SLC26A8: variants seen among roughly 807,000 people sequenced by gnomAD.
SLC26A8 encodes the protein testis anion transporter 1.
A neutral mutation model predicts 105.0 loss-of-function variants in SLC26A8; 70 were observed. That is an observed-to-expected ratio of 0.67 (90% confidence interval 0.55 to 0.81). The LOEUF (loss-of-function observed/expected upper bound fraction) is 0.81, where lower values mean the gene tolerates loss of function less well. Among genes scored for constraint, SLC26A8 ranks in the 40% least tolerant of loss-of-function variants. SLC26A8 has a pLI of 0.00. For missense variants in SLC26A8, 998 were observed against 1,181.8 expected (o/e 0.84, Z 2.28); for synonymous variants, 415 against 438.3 (o/e 0.95, Z 0.66).
rs573438533 is a variant in SLC26A8, at chr6:36,014,790, C to T, written c.189-2418G>A. Among the ~76,000 whole-genome samples the T allele has an allele frequency of 2.7e-4, 41 of 151,902 alleles. No homozygotes were observed. In the East Asian group the frequency reaches 6.4e-3, roughly 24 times the overall value. On this transcript the variant is annotated intron_variant, in intron 2 of 19. Coordinates refer to ENST00000490799, the MANE Select transcript of SLC26A8 (RefSeq NM_052961.4). ...CTGAGGCAGAAGAATCGCTTGAACC[C>T]GGGAGGCTGAGGTTGCAGTGAGCTG...
rs1220970427 is a variant in SLC26A8 at position 36,012,271 on chromosome 6, A to G, written c.290T>C (p.Leu97Pro). The G allele has an allele frequency of 1.9e-6, 3 of 1,612,080 alleles. No individual in the cohort carries two copies. Among genetic ancestry groups the G allele is most frequent in the East Asian group, 2.2e-5 (1 of 44,866 alleles). Residue 97 changes from leucine to proline, a missense_variant, in exon 3 of 20, where the codon CTT (leucine) becomes CCT (proline). Physicochemically the swap from Leu to Pro is moderately conservative, Grantham distance 98 (BLOSUM62 -3). Transcript: ENST00000490799. ...CACAAGGCCAACACTTATACCAGCA[A>G]GTAAGTCTCCCAGAAGCCAATCCTT... ...RLKDWLLGDL[L>P]AGISVGLVQV...
At position 35,944,137 on chromosome 6, in the gene SLC26A8, G is replaced by A. The variant is rs1315589815; in HGVS notation, c.2676C>T (p.Thr892=). 1.4e-5 allele frequency: 23 copies of A among 1,613,888 alleles called. No homozygotes were observed. Among genetic ancestry groups the A allele is most frequent in the African/African-American group, 4.0e-5 (3 of 74,866 alleles). ...CCATCTCGGTCTGGGTCTTGGTCTC[G>A]GTCTCAGCCTTGGGCTCCATTTCAG... ...LEPEMEPKAE[T]ETKTQTEMEP... is the part of the protein sequence containing the mutation. The change falls in exon 20 of 20, where the codon ACC becomes ACT. Residue 892 remains threonine (T), a synonymous_variant. Transcript: ENST00000490799.
rs1773297490 is a variant in SLC26A8 at position 35,982,174 on chromosome 6, C to T, written c.972G>A (p.Lys324=). 6.2e-7 allele frequency: 1 copy of T among 1,613,832 alleles called. No individual in the cohort carries two copies. Among genetic ancestry groups the T allele is most frequent in the Non-Finnish European group, 8.5e-7 (1 of 1,180,022 alleles). ...LIIGFTVIAN[K]ISMATETSQT... is the part of the protein sequence containing the mutation. ...GGCTGGTTTCTGTGGCCATGCTTAT[C>T]TTGTTTGCAATCACAGTGAAGCCAA... Residue 324 remains lysine (K), a synonymous_variant, in exon 8 of 20, where the codon AAG becomes AAA. Coordinates refer to ENST00000490799, the MANE Select transcript of SLC26A8 (RefSeq NM_052961.4).
chr6:35,959,889 G>C, intron 14 of SLC26A8, 83 bp from the exon 15 acceptor site: 1 of 1,063,968 alleles, frequency 9.4e-7, no homozygotes, highest in South Asian at 1.4e-5. Context: ...AGCTCCTAGA[G>C]AGTCTGTATT....
Position 35,962,511 on chromosome 6 carries a change from G to A in SLC26A8, c.1461+15C>T, listed in dbSNP as rs749822244. On this transcript the variant is annotated intron_variant, in intron 12 of 19. Transcript: ENST00000490799. ...CTCTGCCCTCCCCTTCCTCAGCCAG[G>A]GCATCTACACTCACACAGTCATATT... 7 of 1,607,254 alleles carry A rather than the reference G, an allele frequency of 4.4e-6. No homozygotes were observed. The East Asian group carries it at 1.1e-4, about 26-fold the overall frequency.
intron 2 of SLC26A8, among the ~76,000 whole-genome samples, chr6:36,018,668 T>C (rs1299187488): frequency 6.6e-6 from 1 of 152,244 alleles, no homozygotes; most frequent in African/African-American, 2.4e-5. Context: ...ATGTTATACA[T>C]ATTTCACCAC....
rs781190578 is a variant in SLC26A8, at chr6:35,944,352, T to C, written c.2473-12A>G. 12 of 1,567,916 alleles carry C rather than the reference T, an allele frequency of 7.7e-6. No homozygotes were observed. The East Asian group carries it at 2.2e-4, about 29-fold the overall frequency. ...CTTGAATTGTCATTCTGAAATACAA[T>C]TAGGTGGGTTAAAATTTCTAATTAA... On this transcript the variant is annotated splice_polypyrimidine_tract_variant and intron_variant, in intron 19 of 19. Transcript: ENST00000490799.
chr6:36,022,439 T>C (rs1458061329), intron 1 of SLC26A8, among the ~76,000 whole-genome samples: 1 of 152,218 alleles, frequency 6.6e-6, no homozygotes, highest in Non-Finnish European at 1.5e-5. Flanking sequence ...ACTAGCTAGA[T>C]TTCAAGTGCT....
In SLC26A8 at chr6:35,943,967, G is replaced by T. The variant is rs1055058342; in HGVS notation, c.2846C>A (p.Ser949Ter). ...TQSQTQTRTW[S>*]VERRRHPMDS... ...CATAGGATGGCGTCTCCTCTCCACT[G>T]ACCATGTCCGAGTCTGAGTCTGAGA... The change falls in exon 20 of 20, where the codon TCA becomes TAA. Residue 949 changes from serine (S) to a stop codon, truncating the protein, a stop_gained. Transcript: ENST00000490799. LOFTEE classifies it high-confidence loss of function. The T allele has an allele frequency of 6.2e-7, 1 of 1,614,016 alleles. No homozygotes were observed. The highest frequency in any genetic ancestry group is 1.3e-5 in the African/African-American group (1 of 74,902).
intron 19 of SLC26A8, among the ~76,000 whole-genome samples, chr6:35,945,079 A>T: frequency 6.6e-6 from 1 of 152,150 alleles, no homozygotes; most frequent in East Asian, 1.9e-4. Context: ...CAAACTCCTG[A>T]GCTCAAGTGA....
chr6:35,997,666 G>A, intron 5 of SLC26A8, 72 bp downstream of exon 5: 1 of 1,438,636 alleles, frequency 7.0e-7, no homozygotes, highest in Non-Finnish European at 9.4e-7. Flanking sequence ...CACAGGAGCA[G>A]TATAAGGAAG....
chr6:36,014,014 A>G (rs1238036500), intron 2 of SLC26A8, among the ~76,000 whole-genome samples: 1 of 152,158 alleles, frequency 6.6e-6, no homozygotes, highest in South Asian at 2.1e-4. Flanking sequence ...CAAATTTCCT[A>G]TTGGCAGCTG....
At chr6:35,970,024 T>C (rs568235102) in intron 10 of SLC26A8, among the ~76,000 whole-genome samples, 8 of 152,304 alleles carry the variant, frequency 5.3e-5, no homozygotes, top group South Asian at 2.1e-4. Flanking sequence ...ATATCCTCTA[T>C]TGGTAAATTT....
At chr6:35,950,114 G>A (rs961286848) in intron 19 of SLC26A8, among the ~76,000 whole-genome samples, 4 of 151,490 alleles carry the variant, frequency 2.6e-5, no homozygotes, top group African/African-American at 9.7e-5. Context: ...GGTCTTAACT[G>A]TTTCAGATGT....
chr6:36,014,474 GA>G (rs1332355258), intron 2 of SLC26A8, among the ~76,000 whole-genome samples: 2 of 152,028 alleles, frequency 1.3e-5, no homozygotes, highest in Admixed American at 1.3e-4. Flanking sequence ...GGGAGATTTT[GA>G]TAAGAGGGGG....
Position 35,975,398 on chromosome 6 carries a change from C to G in SLC26A8, c.1264G>C (p.Asp422His), listed in dbSNP as rs752815585. The change falls in exon 10 of 20, where the codon GAT becomes CAT. Residue 422 changes from aspartate (D) to histidine (H), a missense_variant. Transcript: ENST00000490799. Reference sequence around the variant, plus strand: ...ACCTGTTGTCTTCCTCCAGATTTATCCTGGATAATAGTCCTAGCAATAGCA... The same window carrying G: ...ACCTGTTGTCTTCCTCCAGATTTATGCTGGATAATAGTCCTAGCAATAGCA... ...TGAIARTIIQ[D>H]KSGGRQQFAS... is the part of the protein sequence containing the mutation. The G allele has an allele frequency of 1.9e-6, 3 of 1,608,910 alleles. No individual in the cohort carries two copies. The East Asian group carries it at 6.7e-5, about 36-fold the overall frequency.
At chr6:36,012,402 A>T (rs1246483417) in intron 2 of SLC26A8, 30 bp from the exon 3 acceptor site, 1 of 1,544,366 alleles carries the variant, frequency 6.5e-7, no homozygotes, top group Non-Finnish European at 8.7e-7. Flanking sequence ...AGACTTGGTT[A>T]GTTTCTCCAA....
intron 7 of SLC26A8, among the ~76,000 whole-genome samples, chr6:35,991,005 T>C (rs1761129987): frequency 6.6e-6 from 1 of 152,206 alleles, no homozygotes; most frequent in Non-Finnish European, 1.5e-5. Flanking sequence ...ATTGTGACTA[T>C]AGTTAATAAT....
At chr6:35,960,588 G>A (rs1246164923) in intron 14 of SLC26A8, 4 of 415,878 alleles carry the variant, frequency 9.6e-6, no homozygotes, top group Non-Finnish European at 1.7e-5. Context: ...CCTGGCAGGT[G>A]GAGGTTGCAG....
Sources: allele counts gnomAD v4.1 joint callset (sites outside exome capture counted in the v4.1 genomes callset), GRCh38; gene constraint gnomAD v4.1.1; transcripts MANE v1.5; gene names NCBI Gene and HGNC (gene_info 2026-07-23, HGNC 2026-07-21).